ERCC6: variants seen among roughly 807,000 people sequenced by gnomAD.
ERCC6 encodes the protein ERCC excision repair 6, chromatin remodeling factor.
A neutral mutation model predicts 158.7 loss-of-function variants in ERCC6; 116 were observed. The ratio of observed to expected loss-of-function variants is 0.73; its 90% CI spans 0.63 to 0.85. The LOEUF (loss-of-function observed/expected upper bound fraction) is 0.85, where lower values mean the gene tolerates loss of function less well. Ranked by LOEUF, ERCC6 falls within the 40% of genes least tolerant of loss-of-function variation. ERCC6 has a pLI of 0.00. For missense variants in ERCC6, 1,698 were observed against 1,799.4 expected, an observed-to-expected ratio of 0.94 and a Z score of 1.02; for synonymous variants, 678 against 659.3, an observed-to-expected ratio of 1.03 and a Z score of -0.43.
At chr10:49,448,060 A>G in the ERCC6 span, among the ~76,000 whole-genome samples, 4 of 152,360 alleles carry the variant, frequency 2.6e-5, no homozygotes, top group East Asian at 5.8e-4. Flanking sequence ...TCCACAAAGT[A>G]TAATTGTTGG....
In ERCC6 at chr10:49,524,277, C is replaced by G. The variant is rs780608655; in HGVS notation, c.1153G>C (p.Asp385His). Residue 385 changes from aspartate to histidine, a missense_variant, in exon 5 of 21, where the codon GAT becomes CAT. Physicochemically the swap from Asp to His is moderately conservative, Grantham distance 81. Coordinates refer to ENST00000355832, the MANE Select transcript of ERCC6 (RefSeq NM_000124.4). ...GCCTCTGCCCCCTCCACCTCGTCAT[C>G]TTCCTCCTCTTCCTCCTCCTCTGTG... Reference protein sequence around the residue: ...FPTEEEEEEEDDEVEGAEADL... With the variant: ...FPTEEEEEEEHDEVEGAEADL... The G allele has an allele frequency of 3.7e-6, 6 of 1,614,014 alleles. No homozygotes were observed. The Admixed American group carries it at 8.3e-5, about 22-fold the overall frequency.
At chr10:49,534,965 T>C (rs1837563604) in intron 1 of ERCC6, among the ~76,000 whole-genome samples, 1 of 152,174 alleles carries the variant, frequency 6.6e-6, no homozygotes, top group Non-Finnish European at 1.5e-5. Flanking sequence ...GCAGGTCAGC[T>C]AGCCCGGGAC....
intron 7 of ERCC6, among the ~76,000 whole-genome samples, chr10:49,499,195 T>A (rs1464518641): frequency 6.6e-6 from 1 of 152,198 alleles, no homozygotes; most frequent in Non-Finnish European, 1.5e-5. Context: ...CAATATAACT[T>A]CCTTGTAACA....
At chr10:49,534,452 G>T (rs1837550139) in intron 1 of ERCC6, among the ~76,000 whole-genome samples, 1 of 152,214 alleles carries the variant, frequency 6.6e-6, no homozygotes, top group African/African-American at 2.4e-5. Context: ...TAACTACTAA[G>T]TATATTCTGT....
intron 9 of ERCC6, 101 bp downstream of exon 9, chr10:49,483,245 C>A: frequency 1.6e-6 from 2 of 1,267,164 alleles, no homozygotes; most frequent in Non-Finnish European, 2.3e-6. Flanking sequence ...GCAGTTGGCA[C>A]AAGGAAAGAT....
downstream of ERCC6, among the ~76,000 whole-genome samples, chr10:49,452,463 T>C (rs7907557): frequency 0.42 from 63,755 of 151,882 alleles, 14,368 homozygotes; most frequent in Non-Finnish European, 0.5. Flanking sequence ...TTGCATTATT[T>C]CTATCCTTTT....
chr10:49,461,395 A>T lies in ERCC6; in HGVS notation c.3940T>A (p.Trp1314Arg). ...CLGAVSGVPT[W>R]TGHRGISGAP... ...CCAGAAATCCCCCTGTGGCCAGTCC[A>T]GGTGGGAACACCAGACACTGCTCCC... The change falls in exon 19 of 21, where the codon TGG becomes AGG. Residue 1314 changes from tryptophan to arginine, a missense_variant. By Grantham distance (101) the Trp-to-Arg change is moderately radical. Transcript: ENST00000355832. The T allele has an allele frequency of 6.2e-7, 1 of 1,613,976 alleles. No homozygotes were observed. Among genetic ancestry groups the T allele is most frequent in the Non-Finnish European group, 8.5e-7 (1 of 1,180,026 alleles).
At chr10:49,437,601 T>C in the ERCC6 span, among the ~76,000 whole-genome samples, 1 of 152,174 alleles carries the variant, frequency 6.6e-6, no homozygotes, top group Non-Finnish European at 1.5e-5. Flanking sequence ...AGTGGGTTCA[T>C]GGGTGCTTAC....
chr10:49,531,443 T>C (rs527992867), intron 2 of ERCC6, among the ~76,000 whole-genome samples: 8 of 152,212 alleles, frequency 5.3e-5, no homozygotes, highest in Non-Finnish European at 1.2e-4. Context: ...TTCTTGATGA[T>C]TGTGTAATTT....
chr10:49,443,477 C>G, the ERCC6 span, among the ~76,000 whole-genome samples: 1 of 152,148 alleles, frequency 6.6e-6, no homozygotes, highest in Non-Finnish European at 1.5e-5. Flanking sequence ...CATCACAGCC[C>G]TCAGAACATT....
intron 1 of ERCC6, among the ~76,000 whole-genome samples, chr10:49,536,383 C>G (rs1440418953): frequency 1.3e-5 from 2 of 151,988 alleles, no homozygotes; most frequent in Non-Finnish European, 2.9e-5. Flanking sequence ...AAAGGTGTAC[C>G]AAAAGAGACA....
intron 7 of ERCC6, among the ~76,000 whole-genome samples, chr10:49,499,910 A>C (rs904431901): frequency 2.2e-5 from 3 of 136,192 alleles, no homozygotes; most frequent in Non-Finnish European, 5.2e-5. Flanking sequence ...TTTTGGCATT[A>C]GAATTTATTA....
At chr10:49,473,896 C>T (rs1216413116) in intron 13 of ERCC6, 131 bp downstream of exon 13, 21 of 878,000 alleles carry the variant, frequency 2.4e-5, no homozygotes, top group Non-Finnish European at 3.8e-5. Flanking sequence ...CCAAAGAAAT[C>T]GGTAGACTGC....
At chr10:49,523,983 C>A in intron 5 of ERCC6, 50 bp downstream of exon 5, 1 of 1,606,572 alleles carries the variant, frequency 6.2e-7, no homozygotes, top group Non-Finnish European at 8.5e-7. Context: ...AAACCTGTCA[C>A]CTAAGATAAA....
intron 1 of ERCC6, among the ~76,000 whole-genome samples, chr10:49,537,710 C>A (rs1383163088): frequency 6.6e-6 from 1 of 151,976 alleles, no homozygotes; most frequent in Non-Finnish European, 1.5e-5. Flanking sequence ...AAGGAAACAA[C>A]GTGTGAAATT....
intron 17 of ERCC6, 27 bp downstream of exon 17, chr10:49,470,948 T>C (rs1554875304): frequency 1.2e-6 from 2 of 1,613,810 alleles, no homozygotes; most frequent in Non-Finnish European, 1.7e-6. Context: ...AATTGATTAC[T>C]TTAAATTAAA....
In ERCC6 at chr10:49,456,577, T is replaced by A. The variant is rs1277817819; in HGVS notation, c.*2238A>T. Reference sequence around the variant, plus strand: ...GGGCTGTACTTAGCTGTGGAACAGGTGCAAGATGGTGTGGGGGTGGGGAGG... The same window carrying A: ...GGGCTGTACTTAGCTGTGGAACAGGAGCAAGATGGTGTGGGGGTGGGGAGG... On this transcript the variant is annotated 3_prime_UTR_variant, in exon 21 of 21. Coordinates refer to ENST00000355832, the MANE Select transcript of ERCC6 (RefSeq NM_000124.4). The A allele has an allele frequency of 6.6e-6, 1 of 152,184 alleles. No individual in the cohort carries two copies. Among genetic ancestry groups the A allele is most frequent in the Non-Finnish European group, 1.5e-5 (1 of 68,026 alleles). The allele number at this position is 152,184 out of a possible 1,614,324, so 9.4% of individuals were successfully genotyped here.
At chr10:49,436,828 T>C in the ERCC6 span, among the ~76,000 whole-genome samples, 2 of 152,166 alleles carry the variant, frequency 1.3e-5, no homozygotes, top group African/African-American at 4.8e-5. Context: ...GATAACTGAA[T>C]GCCTTTCAAT....
chr10:49,458,963 G>A lies in ERCC6; in HGVS notation c.4334C>T (p.Ala1445Val). 1 of 1,614,182 alleles carries A rather than the reference G, an allele frequency of 6.2e-7. No homozygotes were observed. Among genetic ancestry groups the A allele is most frequent in the Non-Finnish European group, 8.5e-7 (1 of 1,180,044 alleles). Residue 1445 changes from alanine to valine, a missense_variant, in exon 21 of 21, where the codon GCC becomes GTC. Ala to Val is a moderately conservative substitution (Grantham distance 64). Transcript: ENST00000355832. ...CTCCTGCAGTATCTCCCTGGTGCTGGCCTGGCCATCAGTGTGGGCCTGGAA... is the reference window on the plus strand; with the variant it reads ...CTCCTGCAGTATCTCCCTGGTGCTGACCTGGCCATCAGTGTGGGCCTGGAA... ...IAFQAHTDGQ[A>V]STREILQEFE...
Sources: allele counts gnomAD v4.1 joint callset (sites outside exome capture counted in the v4.1 genomes callset), GRCh38; gene constraint gnomAD v4.1.1; transcripts MANE v1.5; gene names NCBI Gene and HGNC (gene_info 2026-07-23, HGNC 2026-07-21).